Variants in MTMR9 observed in about 807,000 individuals in gnomAD.
The protein encoded by MTMR9 is myotubularin-related protein 9.
A neutral mutation model predicts 69.5 loss-of-function variants in MTMR9; 39 were observed. The ratio of observed to expected loss-of-function variants is 0.56; its 90% CI spans 0.43 to 0.73. The LOEUF (loss-of-function observed/expected upper bound fraction) is 0.73, where lower values mean the gene tolerates loss of function less well. Among genes scored for constraint, MTMR9 ranks in the 30% least tolerant of loss-of-function variants. The pLI, the probability that MTMR9 is intolerant of heterozygous loss-of-function variation, is 0.00. For missense variants in MTMR9, 900 were observed against 671.2 expected (o/e 1.34, Z -3.77); for synonymous variants, 354 against 240.8 (o/e 1.47, Z -4.35).
At chr8:11,318,003 C>T (rs1053545102) in intron 8 of MTMR9, 2 of 152,116 alleles carry the variant, frequency 1.3e-5, no homozygotes, top group African/African-American at 2.4e-5. Context: ...AACTCCCCCA[C>T]TTAGAAGGGA....
At chr8:11,316,573 A>T in intron 7 of MTMR9, 100 bp from the exon 8 acceptor site, 1 of 652,496 alleles carries the variant, frequency 1.5e-6, no homozygotes, top group Non-Finnish European at 2.5e-6. Context: ...TGTTCCAGGT[A>T]CTAGGAGTGT....
chr8:11,331,310 C>G (rs1335903202), downstream of MTMR9: 6 of 1,613,886 alleles, frequency 3.7e-6, no homozygotes, highest in South Asian at 1.1e-5. Flanking sequence ...CCAACCTGCC[C>G]TCGCTGGAGC....
intron 1 of MTMR9, among the ~76,000 whole-genome samples, chr8:11,289,497 A>G (rs1799304896): frequency 6.6e-6 from 1 of 151,136 alleles, no homozygotes; most frequent in Admixed American, 6.6e-5. Context: ...TTTTTTTTTT[A>G]ATGGACCTCA....
At position 11,323,667 on chromosome 8, in the gene MTMR9, T is replaced by C. The variant is rs1800794974; in HGVS notation, c.*879T>C. 1 of 152,250 alleles carries C rather than the reference T, an allele frequency of 6.6e-6. No individual in the cohort carries two copies. Among genetic ancestry groups the C allele is most frequent in the Non-Finnish European group, 1.5e-5 (1 of 68,040 alleles). 9.4% of individuals were successfully genotyped at this position (152,250 alleles called of 1,614,324 possible). ...AGGTTTTCTTAAACCAGAGATGCAC[T>C]GCCCTTGTCTAAAGTTCTTATTGCA... On this transcript the variant is annotated 3_prime_UTR_variant, in exon 10 of 10. Coordinates refer to ENST00000221086, the MANE Select transcript of MTMR9 (RefSeq NM_015458.4).
At chr8:11,318,807 C>T (rs1800536589) in intron 8 of MTMR9, 1 of 152,028 alleles carries the variant, frequency 6.6e-6, no homozygotes, top group Admixed American at 6.6e-5. Flanking sequence ...ATTTTATGTA[C>T]ATGTAAGTTA....
At position 11,325,124 on chromosome 8, in the gene MTMR9, A is replaced by G. The variant is rs1037317029; in HGVS notation, c.*2336A>G. Reference sequence around the variant, plus strand: ...GTTTGCATTTTAGTATTAATTTATAATTAGGGATTGTTCAAACTTCAGATC... The same window carrying G: ...GTTTGCATTTTAGTATTAATTTATAGTTAGGGATTGTTCAAACTTCAGATC... On this transcript the variant is annotated 3_prime_UTR_variant, in exon 10 of 10. Transcript: ENST00000221086. 6.6e-6 allele frequency: 1 copy of G among 152,256 alleles called. No homozygotes were observed. Among genetic ancestry groups the G allele is most frequent in the African/African-American group, 2.4e-5 (1 of 41,464 alleles). The allele number at this position is 152,256 out of a possible 1,614,324, so 9.4% of individuals were successfully genotyped here.
chr8:11,297,848 C>G (rs569909942), intron 2 of MTMR9: 215 of 456,028 alleles, frequency 4.7e-4, no homozygotes, highest in South Asian at 3.2e-3. Flanking sequence ...AATGTTCTTA[C>G]AGCGTAGTGA....
Position 11,304,879 on chromosome 8 carries a change from T to C in MTMR9, c.456T>C (p.Phe152=), listed in dbSNP as rs1799881375. 1 of 1,614,002 alleles carries C rather than the reference T, an allele frequency of 6.2e-7. No individual in the cohort carries two copies. Among genetic ancestry groups the C allele is most frequent in the Non-Finnish European group, 8.5e-7 (1 of 1,179,982 alleles). The change falls in exon 4 of 10, where the codon TTT becomes TTC. Residue 152 remains phenylalanine, a synonymous_variant. Transcript: ENST00000221086. The stretch of plus-strand genomic sequence containing the variant: ...GGCTAAGCTATGTCAATAAGGAATT[T>C]GCTGTCTGTCCCTCTTACCCACCAA... The part of the protein sequence containing the change: ...EWRLSYVNKE[F]AVCPSYPPIV...
At chr8:11,292,805 T>C (rs1254782053) in intron 1 of MTMR9, among the ~76,000 whole-genome samples, 4 of 152,224 alleles carry the variant, frequency 2.6e-5, no homozygotes, top group Non-Finnish European at 5.9e-5. Flanking sequence ...AAAGTTTCTC[T>C]TGCCCAGTGA....
At chr8:11,294,500 C>CTTTTTTTTTTTT (rs61227530) in intron 1 of MTMR9, among the ~76,000 whole-genome samples, 1,172 of 105,694 alleles carry the variant, frequency 0.011, 127 homozygotes, top group African/African-American at 0.029. Context: ...AATACTTTCA[C>CTTTTTTTTTTTT]TTTTTTTTTT....
chr8:11,305,511 T>C (rs1393193959), intron 4 of MTMR9, among the ~76,000 whole-genome samples: 5 of 152,232 alleles, frequency 3.3e-5, no homozygotes, highest in African/African-American at 4.8e-5. Context: ...TACCTTGTAA[T>C]GGTGGCGTCT....
chr8:11,336,964 G>A, the MTMR9 span, among the ~76,000 whole-genome samples: 1 of 152,156 alleles, frequency 6.6e-6, no homozygotes, highest in Non-Finnish European at 1.5e-5. Context: ...CGGAGTTCTT[G>A]ATGACTCATG....
chr8:11,286,649 A>G (rs541194732), intron 1 of MTMR9, among the ~76,000 whole-genome samples: 2 of 146,396 alleles, frequency 1.4e-5, no homozygotes, highest in East Asian at 2.1e-4. Flanking sequence ...CTTTGCAACA[A>G]GAGCAAAACT....
At chr8:11,330,152 C>A (rs1294411434), downstream of MTMR9, among the ~76,000 whole-genome samples, 1 of 133,354 alleles carries the variant, frequency 7.5e-6, no homozygotes. Flanking sequence ...GGAGGGAGGT[C>A]GGGGATCAGC....
At chr8:11,304,248 T>C (rs1325529877) in intron 3 of MTMR9, among the ~76,000 whole-genome samples, 2 of 152,222 alleles carry the variant, frequency 1.3e-5, no homozygotes, top group Non-Finnish European at 2.9e-5. Context: ...GTGTTACCAA[T>C]CTTAGTACAT....
intron 3 of MTMR9, among the ~76,000 whole-genome samples, chr8:11,304,590 A>G (rs932228584): frequency 2.0e-5 from 3 of 152,206 alleles, no homozygotes; most frequent in Non-Finnish European, 4.4e-5. Flanking sequence ...ACAGAGCAAC[A>G]AGTTTTGCTC....
chr8:11,321,638 A>G (rs181094428), intron 9 of MTMR9: 20 of 375,596 alleles, frequency 5.3e-5, no homozygotes, highest in Middle Eastern at 5.0e-4. Flanking sequence ...GTAAAATCCT[A>G]TGGTAGGCAT....
chr8:11,307,282 G>C (rs1344926981), intron 5 of MTMR9, among the ~76,000 whole-genome samples: 1 of 152,160 alleles, frequency 6.6e-6, no homozygotes, highest in Non-Finnish European at 1.5e-5. Context: ...ATGTTGGTCA[G>C]GCTGGTCTCG....
chr8:11,317,352 CT>C (rs1242254325), intron 8 of MTMR9: 1 of 152,390 alleles, frequency 6.6e-6, no homozygotes, highest in Non-Finnish European at 1.5e-5. Context: ...TGGATAACAA[CT>C]TTTCTTTGGA....
Sources: allele counts gnomAD v4.1 joint callset (sites outside exome capture counted in the v4.1 genomes callset), GRCh38; gene constraint gnomAD v4.1.1; transcripts MANE v1.5; gene names NCBI Gene and HGNC (gene_info 2026-07-23, HGNC 2026-07-21).